The following ITGA1 variants were observed in gnomAD, a reference collection of about 807,000 sequenced individuals.
The protein encoded by ITGA1 is integrin alpha-1.
ITGA1 carries 85 observed loss-of-function variants against 145.9 expected under a neutral mutation model. The observed-to-expected ratio is 0.58, with a 90% CI of 0.49 to 0.70. ITGA1 has a LOEUF of 0.70. Among genes scored for constraint, ITGA1 ranks in the 30% least tolerant of loss-of-function variants. The pLI is 0.00. For missense variants in ITGA1, 1,351 were observed against 1,418.7 expected (o/e 0.95, Z 0.77); for synonymous variants, 520 against 495.3 (o/e 1.05, Z -0.66).
At chr5:52,909,292 T>C (rs1750461220) in intron 13 of ITGA1, among the ~76,000 whole-genome samples, 1 of 152,070 alleles carries the variant, frequency 6.6e-6, no homozygotes, top group African/African-American at 2.4e-5. Flanking sequence ...AGGAGGTAAA[T>C]ATAAATCTCA....
intron 7 of ITGA1, among the ~76,000 whole-genome samples, chr5:52,886,967 C>T (rs1198802472): frequency 1.3e-5 from 2 of 152,072 alleles, no homozygotes; most frequent in Non-Finnish European, 2.9e-5. Context: ...TTAGTAGAGA[C>T]GGGGTTTCAC....
At chr5:52,862,700 T>C (rs1032498103) in intron 3 of ITGA1, among the ~76,000 whole-genome samples, 6 of 152,174 alleles carry the variant, frequency 3.9e-5, no homozygotes, top group African/African-American at 7.2e-5. Flanking sequence ...TAAATTTATA[T>C]TGAAATAGAT....
chr5:52,817,581 A>G (rs965849261), intron 1 of ITGA1, among the ~76,000 whole-genome samples: 2 of 152,234 alleles, frequency 1.3e-5, no homozygotes, highest in Non-Finnish European at 2.9e-5. Context: ...TGAGAAGACA[A>G]ATATCATTCC....
intron 18 of ITGA1, among the ~76,000 whole-genome samples, chr5:52,924,253 G>A (rs1750770555): frequency 6.6e-6 from 1 of 152,190 alleles, no homozygotes; most frequent in Non-Finnish European, 1.5e-5. Flanking sequence ...TAGAGCATAT[G>A]CTATGGAGGA....
At chr5:52,789,459 G>A (rs1266322671) in intron 1 of ITGA1, among the ~76,000 whole-genome samples, 1 of 152,158 alleles carries the variant, frequency 6.6e-6, no homozygotes, top group Non-Finnish European at 1.5e-5. Flanking sequence ...TGCCTTAGAT[G>A]GCCAAGCATT....
At chr5:52,941,529 T>C (rs7702592) in intron 26 of ITGA1, among the ~76,000 whole-genome samples, 47,372 of 152,046 alleles carry the variant, frequency 0.31, 7,496 homozygotes, top group Admixed American at 0.37. Context: ...TAATGATTAG[T>C]GATAATGAGA....
At chr5:52,871,443 T>G (rs1450490853) in intron 6 of ITGA1, among the ~76,000 whole-genome samples, 1 of 152,196 alleles carries the variant, frequency 6.6e-6, no homozygotes, top group Non-Finnish European at 1.5e-5. Flanking sequence ...ACCTCCTGTA[T>G]TTTTGTTTGC....
intron 1 of ITGA1, among the ~76,000 whole-genome samples, chr5:52,846,143 G>A (rs1749330174): frequency 6.6e-6 from 1 of 152,162 alleles, no homozygotes; most frequent in African/African-American, 2.4e-5. Context: ...ACTCACACCT[G>A]TAATCCCAGC....
chr5:52,915,751 A>T (rs1750636617), intron 15 of ITGA1, among the ~76,000 whole-genome samples, 157 bp downstream of exon 15: 1 of 152,228 alleles, frequency 6.6e-6, no homozygotes, highest in African/African-American at 2.4e-5. Context: ...GAGTCAATAC[A>T]TCTTAAGAAC....
At chr5:52,844,034 A>G (rs961812071) in intron 1 of ITGA1, among the ~76,000 whole-genome samples, 1 of 152,150 alleles carries the variant, frequency 6.6e-6, no homozygotes, top group African/African-American at 2.4e-5. Context: ...TAGTTTTCTT[A>G]CATATCAAAT....
In ITGA1 at chr5:52,887,885, G is replaced by C; in HGVS notation, c.844G>C (p.Gly282Arg). ...VKKVMVIVTD[G>R]ESHDNHRLKK... is the part of the protein sequence containing the mutation. ...AAAAGTCATGGTTATTGTGACAGAT[G>C]GAGAGTCTCATGACAATCATCGACT... The change falls in exon 8 of 29, where the codon GGA becomes CGA. Residue 282 changes from glycine (G) to arginine (R), a missense_variant. Coordinates refer to ENST00000282588, the MANE Select transcript of ITGA1 (RefSeq NM_181501.2). 2 of 1,614,054 alleles carry C rather than the reference G, an allele frequency of 1.2e-6. No individual in the cohort carries two copies. Among genetic ancestry groups the C allele is most frequent in the Non-Finnish European group, 1.7e-6 (2 of 1,179,900 alleles).
At chr5:52,876,460 C>A (rs1347260394) in intron 6 of ITGA1, among the ~76,000 whole-genome samples, 1 of 152,062 alleles carries the variant, frequency 6.6e-6, no homozygotes, top group Non-Finnish European at 1.5e-5. Context: ...AAACAAGCAC[C>A]CCGGTATCAG....
At chr5:52,924,715 G>T (rs1192500116) in intron 18 of ITGA1, among the ~76,000 whole-genome samples, 1 of 152,180 alleles carries the variant, frequency 6.6e-6, no homozygotes, top group Non-Finnish European at 1.5e-5. Flanking sequence ...GAATGCTTGG[G>T]TGTGAGGTGG....
At chr5:52,863,591 G>A (rs1749640591) in intron 3 of ITGA1, among the ~76,000 whole-genome samples, 1 of 152,062 alleles carries the variant, frequency 6.6e-6, no homozygotes, top group African/African-American at 2.4e-5. Flanking sequence ...CACCTTTCTA[G>A]TGCCTTCAGG....
At chr5:52,789,080 T>C (rs1315944264) in intron 1 of ITGA1, among the ~76,000 whole-genome samples, 3 of 152,356 alleles carry the variant, frequency 2.0e-5, no homozygotes, top group Non-Finnish European at 2.9e-5. Flanking sequence ...CATAAATGTG[T>C]ATTTTTAAGG....
chr5:52,852,387 G>T (rs1183083303), intron 2 of ITGA1, among the ~76,000 whole-genome samples: 2 of 152,116 alleles, frequency 1.3e-5, no homozygotes, highest in East Asian at 3.9e-4. Context: ...CTATAATCTG[G>T]TACTTAAGGG....
intron 7 of ITGA1, among the ~76,000 whole-genome samples, chr5:52,882,371 G>A (rs544292950): frequency 2.6e-5 from 4 of 151,752 alleles, no homozygotes; most frequent in South Asian, 4.2e-4. Flanking sequence ...CTAAAAGAAC[G>A]GATTAAAAAT....
At chr5:52,947,680 T>C (rs1751156536) in intron 28 of ITGA1, among the ~76,000 whole-genome samples, 1 of 152,170 alleles carries the variant, frequency 6.6e-6, no homozygotes, top group South Asian at 2.1e-4. Flanking sequence ...TATTTTAAGT[T>C]AGAAATAGTC....
At position 52,927,454 on chromosome 5, in the gene ITGA1, C is replaced by T. The variant is rs1277560790; in HGVS notation, c.2614-130C>T. 9.8e-6 allele frequency: 6 copies of T among 615,326 alleles called. No individual in the cohort carries two copies. In the Admixed American group the frequency reaches 1.1e-4, roughly 11 times the overall value. The allele number at this position is 615,326 out of a possible 1,614,324, so 38.1% of individuals were successfully genotyped here. A position where few individuals can be genotyped will look rare whatever the true frequency, so the allele number is the denominator to read the frequency against. On this transcript the variant is annotated intron_variant, in intron 19 of 28. Coordinates refer to ENST00000282588, the MANE Select transcript of ITGA1 (RefSeq NM_181501.2). ...CAGCTGGTCCCAGAATTCTGTGCCT[C>T]TTCCAGCTAAATCGAGACAAAAATA... is the stretch of plus-strand genomic sequence containing the variant.
Sources: gnomAD v4.1 joint callset for allele counts (sites outside exome capture counted in the v4.1 genomes callset) on GRCh38, gnomAD v4.1.1 for gene constraint, MANE v1.5 for transcripts, NCBI Gene and HGNC (gene_info 2026-07-23, HGNC 2026-07-21) for gene names.